The following ADGRV1 variants were observed in gnomAD, a reference collection of about 807,000 sequenced individuals.
ADGRV1 encodes the protein adhesion G protein-coupled receptor V1.
Under a neutral mutation model 596.2 loss-of-function variants are expected in ADGRV1, and 359 were observed. The observed-to-expected ratio is 0.60, with a 90% CI of 0.55 to 0.66. The LOEUF (loss-of-function observed/expected upper bound fraction) is 0.66, where lower values mean the gene tolerates loss of function less well. ADGRV1 is among the 30% of genes least tolerant of loss of function. The pLI, the probability that ADGRV1 is intolerant of heterozygous loss-of-function variation, is 0.00. For missense variants in ADGRV1, 7,274 were observed against 7,575.6 expected, an observed-to-expected ratio of 0.96 and a Z score of 1.48; for synonymous variants, 2,681 against 2,679.2, an observed-to-expected ratio of 1.00 and a Z score of -0.02.
chr5:91,138,126 C>T (rs1257506947), intron 87 of ADGRV1, among the ~76,000 whole-genome samples: 1 of 152,016 alleles, frequency 6.6e-6, no homozygotes, highest in Non-Finnish European at 1.5e-5. Flanking sequence ...ACAAGCAAAC[C>T]AGGATCTGAG....
intron 1 of ADGRV1, among the ~76,000 whole-genome samples, chr5:90,593,878 T>G (rs920216015): frequency 1.8e-4 from 27 of 152,212 alleles, no homozygotes; most frequent in African/African-American, 6.3e-4. Flanking sequence ...TTTTATGTTT[T>G]TTACATAACT....
chr5:90,666,904 A>G (rs1314706720), intron 21 of ADGRV1, among the ~76,000 whole-genome samples: 1 of 151,542 alleles, frequency 6.6e-6, no homozygotes, highest in East Asian at 2.0e-4. Flanking sequence ...TTCTGGGTTG[A>G]AAATTCTTTT....
intron 86 of ADGRV1, among the ~76,000 whole-genome samples, chr5:91,079,413 C>T (rs201927782): frequency 6.6e-6 from 1 of 152,110 alleles, no homozygotes; most frequent in Non-Finnish European, 1.5e-5. Context: ...TCTCAATCCT[C>T]GAAGATTCAT....
intron 83 of ADGRV1, among the ~76,000 whole-genome samples, chr5:90,939,263 C>G (rs1474227580): frequency 6.6e-6 from 1 of 152,170 alleles, no homozygotes; most frequent in Non-Finnish European, 1.5e-5. Context: ...TAGAGTTTCT[C>G]TCATTAATTA....
intron 50 of ADGRV1, among the ~76,000 whole-genome samples, chr5:90,732,829 CATT>C (rs1035740489): frequency 4.6e-5 from 7 of 152,328 alleles, no homozygotes; most frequent in African/African-American, 1.7e-4. Context: ...AGAAAAACAG[CATT>C]ATTATGAAAA....
chr5:90,631,454 C>CT (rs1418161686), intron 9 of ADGRV1, among the ~76,000 whole-genome samples: 8 of 152,050 alleles, frequency 5.3e-5, no homozygotes, highest in Non-Finnish European at 1.2e-4. Flanking sequence ...TACGCGACAC[C>CT]TTTTTGTAAT....
At chr5:91,080,203 A>G (rs1014144555) in intron 86 of ADGRV1, among the ~76,000 whole-genome samples, 1 of 152,158 alleles carries the variant, frequency 6.6e-6, no homozygotes, top group Non-Finnish European at 1.5e-5. Flanking sequence ...ATTTCAAGTT[A>G]TCTCTTCTAG....
chr5:90,750,811 A>G, intron 53 of ADGRV1, 114 bp downstream of exon 53: 1 of 678,660 alleles, frequency 1.5e-6, no homozygotes, highest in Non-Finnish European at 2.5e-6. Context: ...ATCAACACTG[A>G]ATTCCTACTA....
In ADGRV1 at chr5:90,928,847, AACAG is replaced by A. The variant is rs1379100837; in HGVS notation, c.17857-36563_17857-36560del. Among the ~76,000 whole-genome samples the A allele has an allele frequency of 6.2e-4, 93 of 149,828 alleles. 3 individuals carry two copies. The highest frequency in any genetic ancestry group is 2.3e-3 in the African/African-American group (93 of 40,588). On this transcript the variant is annotated intron_variant, in intron 83 of 89. Coordinates refer to ENST00000405460, the MANE Select transcript of ADGRV1 (RefSeq NM_032119.4). ...CTTTCTGTTTGTTAGTTTTCCTTCTAACAGACAGGACCCTCAGCTGCAGGTCTGT... is the reference window on the plus strand; with the variant it reads ...CTTTCTGTTTGTTAGTTTTCCTTCTAACAGGACCCTCAGCTGCAGGTCTGT...
In ADGRV1 at chr5:90,619,920, A is replaced by G. The variant is rs528025321; in HGVS notation, c.453+739A>G. Among the ~76,000 whole-genome samples, 571 of 152,126 alleles carry G rather than the reference A, an allele frequency of 3.8e-3. 3 individuals are homozygous for G. The highest frequency in any genetic ancestry group is 0.012 in the African/African-American group (517 of 41,476). On this transcript the variant is annotated intron_variant, in intron 4 of 89. Coordinates refer to ENST00000405460, the MANE Select transcript of ADGRV1 (RefSeq NM_032119.4). ...TCCAGCTTCATCCATGTCCCTACAAAGGACATGAACTCATCATTTTTTATG... is the reference window on the plus strand; with the variant it reads ...TCCAGCTTCATCCATGTCCCTACAAGGGACATGAACTCATCATTTTTTATG...
chr5:91,009,593 C>T (rs1236951876), intron 85 of ADGRV1, among the ~76,000 whole-genome samples: 1 of 151,964 alleles, frequency 6.6e-6, no homozygotes, highest in Non-Finnish European at 1.5e-5. Flanking sequence ...CATTTAGAAC[C>T]AGATAATGAA....
At chr5:90,773,529 A>G (rs1757911760) in intron 59 of ADGRV1, among the ~76,000 whole-genome samples, 1 of 152,214 alleles carries the variant, frequency 6.6e-6, no homozygotes, top group Non-Finnish European at 1.5e-5. Context: ...CTAGGAATAG[A>G]TTCAGCAAGA....
chr5:91,149,241 G>A (rs1365416231), intron 87 of ADGRV1, among the ~76,000 whole-genome samples: 1 of 152,192 alleles, frequency 6.6e-6, no homozygotes, highest in Non-Finnish European at 1.5e-5. Context: ...GAATGATATG[G>A]TTTGGCTCTG....
intron 87 of ADGRV1, among the ~76,000 whole-genome samples, chr5:91,144,981 G>A (rs1040811262): frequency 5.9e-5 from 9 of 152,150 alleles, no homozygotes; most frequent in African/African-American, 1.4e-4. Context: ...TGTTTGGAAC[G>A]GGGACTTGTT....
chr5:90,721,286 CA>C (rs1222664015), intron 45 of ADGRV1, among the ~76,000 whole-genome samples: 2 of 151,920 alleles, frequency 1.3e-5, no homozygotes, highest in African/African-American at 4.8e-5. Flanking sequence ...GGGTGGATCA[CA>C]AGGTCAGGAG....
chr5:90,726,503 C>A (rs1751804169), intron 48 of ADGRV1, among the ~76,000 whole-genome samples: 1 of 152,196 alleles, frequency 6.6e-6, no homozygotes, highest in Admixed American at 6.5e-5. Context: ...TCACCAATGA[C>A]AACTGCATTA....
intron 87 of ADGRV1, among the ~76,000 whole-genome samples, chr5:91,143,601 T>TA (rs1169754730): frequency 6.6e-6 from 1 of 152,186 alleles, no homozygotes; most frequent in Non-Finnish European, 1.5e-5. Flanking sequence ...CTGGAGTTTT[T>TA]ATGGGCTTCA....
intron 43 of ADGRV1, 135 bp downstream of exon 43, chr5:90,716,864 C>A: frequency 1.6e-6 from 1 of 642,784 alleles, no homozygotes; most frequent in Non-Finnish European, 2.6e-6. Flanking sequence ...AGACATGATT[C>A]ATTTACTATG....
intron 36 of ADGRV1, 33 bp downstream of exon 36, chr5:90,704,521 T>C (rs777852673): frequency 7.4e-7 from 1 of 1,347,584 alleles, no homozygotes; most frequent in Non-Finnish European, 1.0e-6. Flanking sequence ...TTTTTTTTGG[T>C]ATATTCTTTT....
Sources: allele counts gnomAD v4.1 joint callset (sites outside exome capture counted in the v4.1 genomes callset), GRCh38; gene constraint gnomAD v4.1.1; transcripts MANE v1.5; gene names NCBI Gene and HGNC (gene_info 2026-07-23, HGNC 2026-07-21).